The following HEMK2 variants were observed in gnomAD, a reference collection of about 807,000 sequenced individuals.
HEMK2 encodes methyltransferase HEMK2.
chr21:28,805,670 C>T, the HEMK2 span, among the ~76,000 whole-genome samples: 1 of 151,194 alleles, frequency 6.6e-6, no homozygotes, highest in African/African-American at 2.4e-5. Context: ...AAAAGCTGTG[C>T]TTTTTTTTTC....
the HEMK2 span, among the ~76,000 whole-genome samples, chr21:28,785,452 TTACAAATA>T: frequency 6.6e-6 from 1 of 152,208 alleles, no homozygotes; most frequent in African/African-American, 2.4e-5. Context: ...CCATGATAAA[TTACAAATA>T]TGTCCCCAAT....
chr21:28,613,502 C>A, the HEMK2 span, among the ~76,000 whole-genome samples: 4 of 151,834 alleles, frequency 2.6e-5, no homozygotes, highest in Admixed American at 6.6e-5. Flanking sequence ...GATGGGGAAA[C>A]CATTGTATAG....
At chr21:28,777,964 C>T in the HEMK2 span, among the ~76,000 whole-genome samples, 12,404 of 152,146 alleles carry the variant, frequency 0.082, 1,164 homozygotes, top group African/African-American at 0.22. Flanking sequence ...TAAATGTTTA[C>T]CCTTGAAAAC....
At chr21:28,784,374 T>G in the HEMK2 span, among the ~76,000 whole-genome samples, 1 of 151,990 alleles carries the variant, frequency 6.6e-6, no homozygotes, top group Non-Finnish European at 1.5e-5. Context: ...CAGCACCCTG[T>G]GTCTAGCTCA....
At chr21:28,635,565 T>C in the HEMK2 span, among the ~76,000 whole-genome samples, 1 of 152,186 alleles carries the variant, frequency 6.6e-6, no homozygotes, top group Admixed American at 6.5e-5. Flanking sequence ...GCAGGCTCCA[T>C]TCATTTAAAA....
At chr21:28,766,158 T>C in the HEMK2 span, among the ~76,000 whole-genome samples, 1 of 151,298 alleles carries the variant, frequency 6.6e-6, no homozygotes, top group Admixed American at 6.6e-5. Flanking sequence ...CTGTTGGGGG[T>C]TGGAGGACTG....
the HEMK2 span, among the ~76,000 whole-genome samples, chr21:28,691,391 T>C: frequency 2.0e-5 from 3 of 152,194 alleles, no homozygotes; most frequent in African/African-American, 7.2e-5. Flanking sequence ...CTGATGGGGT[T>C]CACTCCACGT....
chr21:28,834,740 A>C, the HEMK2 span, among the ~76,000 whole-genome samples: 1 of 152,122 alleles, frequency 6.6e-6, no homozygotes, highest in African/African-American at 2.4e-5. Context: ...AGGTGGGTAG[A>C]CTGAGGCAGG....
chr21:28,722,341 G>A, the HEMK2 span, among the ~76,000 whole-genome samples: 174 of 152,260 alleles, frequency 1.1e-3, no homozygotes, highest in South Asian at 2.3e-3. Flanking sequence ...AAGGTGCTAG[G>A]TAAATGAAGA....
chr21:28,746,686 A>AC, the HEMK2 span, among the ~76,000 whole-genome samples: 1 of 151,858 alleles, frequency 6.6e-6, no homozygotes, highest in Admixed American at 6.6e-5. Flanking sequence ...AAAAAAAAAA[A>AC]ACTATATGAT....
At chr21:28,650,195 G>A in the HEMK2 span, among the ~76,000 whole-genome samples, 1 of 152,204 alleles carries the variant, frequency 6.6e-6, no homozygotes, top group African/African-American at 2.4e-5. Flanking sequence ...AGGAGTTCGA[G>A]ACTAGCCTGG....
chr21:28,598,793 C>T, the HEMK2 span, among the ~76,000 whole-genome samples: 9 of 152,106 alleles, frequency 5.9e-5, no homozygotes, highest in East Asian at 3.8e-4. Flanking sequence ...TTTTCTCAAT[C>T]GCAGGACAGT....
chr21:28,839,398 G>T, the HEMK2 span, among the ~76,000 whole-genome samples: 2 of 152,112 alleles, frequency 1.3e-5, no homozygotes, highest in Admixed American at 6.6e-5. Context: ...AAGAAATAAA[G>T]CGCATTCAAA....
At chr21:28,788,033 C>T in the HEMK2 span, among the ~76,000 whole-genome samples, 12 of 151,662 alleles carry the variant, frequency 7.9e-5, no homozygotes, top group Non-Finnish European at 1.3e-4. Flanking sequence ...TCAAACTAGA[C>T]TATAAGGCCA....
At chr21:28,770,189 GCTT>G in the HEMK2 span, among the ~76,000 whole-genome samples, 1 of 152,118 alleles carries the variant, frequency 6.6e-6, no homozygotes, top group Non-Finnish European at 1.5e-5. Context: ...TTTGGGGATT[GCTT>G]CTCTGCTCTT....
the HEMK2 span, among the ~76,000 whole-genome samples, chr21:28,699,623 G>A: frequency 6.6e-6 from 1 of 152,170 alleles, no homozygotes; most frequent in Admixed American, 6.5e-5. Context: ...TTCGATTTAA[G>A]ATTTTATCAA....
the HEMK2 span, among the ~76,000 whole-genome samples, chr21:28,628,743 C>T: frequency 2.0e-5 from 3 of 152,186 alleles, no homozygotes; most frequent in African/African-American, 4.8e-5. Flanking sequence ...CGTGAGCCAC[C>T]GCGCCCAGCC....
the HEMK2 span, among the ~76,000 whole-genome samples, chr21:28,854,461 T>A: frequency 6.6e-6 from 1 of 151,752 alleles, no homozygotes; most frequent in African/African-American, 2.4e-5. Context: ...AGTCAGGTTC[T>A]CTAGAGGGAC....
At chr21:28,647,594 A>T in the HEMK2 span, among the ~76,000 whole-genome samples, 2 of 151,896 alleles carry the variant, frequency 1.3e-5, no homozygotes, top group Non-Finnish European at 1.5e-5. Context: ...TCACCTCCCT[A>T]TGGTTCATTA....
Sources: gnomAD v4.1 joint callset for allele counts (sites outside exome capture counted in the v4.1 genomes callset) on GRCh38, gnomAD v4.1.1 for gene constraint, MANE v1.5 for transcripts, NCBI Gene and HGNC (gene_info 2026-07-23, HGNC 2026-07-21) for gene names.